Variants in ATRNL1 observed in about 807,000 individuals in gnomAD.
ATRNL1 encodes the protein attractin like 1.
A neutral mutation model predicts 182.7 loss-of-function variants in ATRNL1; 95 were observed. The observed-to-expected ratio is 0.52, with a 90% CI of 0.44 to 0.62. The LOEUF is 0.62. Ranked by LOEUF, ATRNL1 falls within the 20% of genes least tolerant of loss-of-function variation. ATRNL1 has a pLI of 0.00. For missense variants in ATRNL1, 1,471 were observed against 1,679.5 expected, an observed-to-expected ratio of 0.88 and a Z score of 2.17; for synonymous variants, 576 against 568.3, an observed-to-expected ratio of 1.01 and a Z score of -0.19.
intron 28 of ATRNL1, among the ~76,000 whole-genome samples, chr10:115,907,110 C>G (rs1565476793): frequency 1.3e-5 from 2 of 152,198 alleles, no homozygotes; most frequent in Non-Finnish European, 2.9e-5. Flanking sequence ...GTCCAAGTGA[C>G]CTGGCCACAG....
intron 7 of ATRNL1, among the ~76,000 whole-genome samples, chr10:115,166,438 G>A (rs1472003644): frequency 2.6e-5 from 4 of 151,020 alleles, no homozygotes; most frequent in South Asian, 2.1e-4. Context: ...TTGCTAAATC[G>A]TATGGTAATT....
intron 13 of ATRNL1, 82 bp from the exon 14 acceptor site, chr10:115,281,273 C>T (rs1592373905): frequency 2.5e-6 from 3 of 1,215,098 alleles, no homozygotes; most frequent in East Asian, 2.6e-5. Context: ...TTAAAGTTCA[C>T]CAGAGGATTT....
intron 26 of ATRNL1, among the ~76,000 whole-genome samples, chr10:115,597,172 A>C (rs1471788822): frequency 6.6e-6 from 1 of 152,154 alleles, no homozygotes; most frequent in South Asian, 2.1e-4. Context: ...ATTTTTCTCT[A>C]TGTTTACTAA....
chr10:115,768,334 A>T (rs1315682970), intron 27 of ATRNL1, among the ~76,000 whole-genome samples: 2 of 152,110 alleles, frequency 1.3e-5, no homozygotes, highest in East Asian at 1.9e-4. Context: ...AGAGATGCTT[A>T]AAAAACCCTT....
intron 20 of ATRNL1, among the ~76,000 whole-genome samples, chr10:115,417,810 G>A (rs907419139): frequency 4.6e-5 from 7 of 152,148 alleles, no homozygotes; most frequent in African/African-American, 1.7e-4. Flanking sequence ...GCCAACCTTG[G>A]AGCCCTCCTG....
At chr10:115,421,131 T>C (rs575453987) in intron 20 of ATRNL1, among the ~76,000 whole-genome samples, 1 of 152,280 alleles carries the variant, frequency 6.6e-6, no homozygotes, top group Admixed American at 6.5e-5. Flanking sequence ...AATGAACTCA[T>C]ACCAATTACT....
intron 28 of ATRNL1, among the ~76,000 whole-genome samples, chr10:115,891,225 C>A (rs1448526841): frequency 6.6e-6 from 1 of 152,066 alleles, no homozygotes; most frequent in Non-Finnish European, 1.5e-5. Context: ...CATGGAAGAA[C>A]ATTGGGAGTG....
intron 5 of ATRNL1, among the ~76,000 whole-genome samples, chr10:115,149,193 T>C (rs1306757241): frequency 2.0e-5 from 3 of 152,044 alleles, no homozygotes. Context: ...TCCTGGCCAG[T>C]GTAGACGCCT....
At position 115,510,507 on chromosome 10, in the gene ATRNL1, A is replaced by T. The variant is rs566869572; in HGVS notation, c.3655-8756A>T. Among the ~76,000 whole-genome samples, 144 of 152,142 alleles carry T rather than the reference A, an allele frequency of 9.5e-4. 1 individual carries two copies. The highest frequency in any genetic ancestry group is 3.3e-3 in the African/African-American group (139 of 41,556). On this transcript the variant is annotated intron_variant, in intron 24 of 28. Transcript: ENST00000355044. ...AAAAGAAAACATGCTAAAGGCTCAG[A>T]TGATCATTAGCAGTTTTTAGCCATA...
intron 27 of ATRNL1, among the ~76,000 whole-genome samples, chr10:115,847,396 C>T (rs1950953876): frequency 6.6e-6 from 1 of 152,022 alleles, no homozygotes; most frequent in Non-Finnish European, 1.5e-5. Flanking sequence ...GTAGCTGTAT[C>T]AGGTGATGAA....
chr10:115,917,339 G>A (rs1555117581), intron 28 of ATRNL1, among the ~76,000 whole-genome samples: 2 of 151,890 alleles, frequency 1.3e-5, no homozygotes, highest in Non-Finnish European at 2.9e-5. Context: ...GCATGGCGGC[G>A]GGCACCTGTA....
At chr10:115,586,915 T>C (rs1352542433) in intron 26 of ATRNL1, among the ~76,000 whole-genome samples, 1 of 116,188 alleles carries the variant, frequency 8.6e-6, no homozygotes, top group East Asian at 4.8e-4. Context: ...ATGATGGTAA[T>C]GTACAGATGG....
intron 26 of ATRNL1, among the ~76,000 whole-genome samples, chr10:115,719,861 C>CTTT (rs35436098): frequency 6.2e-5 from 8 of 128,694 alleles, no homozygotes; most frequent in East Asian, 4.7e-4. Context: ...CCCACACACT[C>CTTT]TTTTTTTTTT....
intron 1 of ATRNL1, chr10:115,096,542 C>T: frequency 1.6e-6 from 1 of 611,866 alleles, no homozygotes; most frequent in South Asian, 1.6e-5. Context: ...TGAAGGATAG[C>T]AACCTTACAA....
At chr10:115,253,814 T>A (rs553947473) in intron 10 of ATRNL1, among the ~76,000 whole-genome samples, 2 of 151,726 alleles carry the variant, frequency 1.3e-5, no homozygotes, top group Non-Finnish European at 2.9e-5. Context: ...ACAGGCCCCA[T>A]TGTGTGATGT....
At chr10:115,235,847 C>T (rs1047416448) in intron 9 of ATRNL1, among the ~76,000 whole-genome samples, 2 of 151,874 alleles carry the variant, frequency 1.3e-5, no homozygotes. Context: ...CTTGTTAAAC[C>T]TTTACATAAT....
At chr10:115,736,556 C>T (rs1490121394) in intron 27 of ATRNL1, among the ~76,000 whole-genome samples, 1 of 151,878 alleles carries the variant, frequency 6.6e-6, no homozygotes, top group Admixed American at 6.6e-5. Flanking sequence ...TTCTGCTGGC[C>T]CTCAATCATT....
intron 26 of ATRNL1, among the ~76,000 whole-genome samples, chr10:115,642,071 T>C (rs1046611418): frequency 3.9e-5 from 6 of 152,126 alleles, no homozygotes; most frequent in Non-Finnish European, 7.4e-5. Context: ...GAGATTTTAG[T>C]ATTATAATGT....
intron 8 of ATRNL1, among the ~76,000 whole-genome samples, chr10:115,171,833 C>T (rs1847307186): frequency 6.6e-6 from 1 of 151,962 alleles, no homozygotes; most frequent in Non-Finnish European, 1.5e-5. Flanking sequence ...TATACCTTTA[C>T]TCCATTTTGT....
Sources: gnomAD v4.1 joint callset for allele counts (sites outside exome capture counted in the v4.1 genomes callset) on GRCh38, gnomAD v4.1.1 for gene constraint, MANE v1.5 for transcripts, NCBI Gene and HGNC (gene_info 2026-07-23, HGNC 2026-07-21) for gene names.